The following SIPA1L2 variants were observed in gnomAD, a reference collection of about 807,000 sequenced individuals.
SIPA1L2 encodes the protein signal induced proliferation associated 1 like 2, also known as signal-induced proliferation-associated 1-like protein 2.
A neutral mutation model predicts 163.9 loss-of-function variants in SIPA1L2; 56 were observed. The observed-to-expected ratio is 0.34, with a 90% CI of 0.28 to 0.43. SIPA1L2 has a LOEUF of 0.43. Ranked by LOEUF, SIPA1L2 falls within the 20% of genes least tolerant of loss-of-function variation. SIPA1L2 has a pLI of 1.00. For missense variants in SIPA1L2, 1,974 were observed against 2,193.5 expected (o/e 0.90, Z 2.00); for synonymous variants, 877 against 865.7 (o/e 1.01, Z -0.23).
intron 2 of SIPA1L2, among the ~76,000 whole-genome samples, chr1:232,546,450 A>T (rs1030508482): frequency 3.3e-5 from 5 of 152,198 alleles, no homozygotes; most frequent in African/African-American, 9.7e-5. Flanking sequence ...CTAGTAAAAG[A>T]TTTAACAGGA....
chr1:232,564,815 C>T (rs922957612), intron 2 of SIPA1L2, among the ~76,000 whole-genome samples: 2 of 151,910 alleles, frequency 1.3e-5, no homozygotes, highest in Admixed American at 1.3e-4. Flanking sequence ...AATAAGTGTA[C>T]ACATGTTCTC....
chr1:232,626,697 T>C (rs1663094626), intron 1 of SIPA1L2, among the ~76,000 whole-genome samples: 1 of 152,210 alleles, frequency 6.6e-6, no homozygotes, highest in Non-Finnish European at 1.5e-5. Context: ...ATGACCCTCA[T>C]GCAAAGCATT....
chr1:232,457,642 T>C (rs576660489), intron 10 of SIPA1L2, among the ~76,000 whole-genome samples: 1 of 152,324 alleles, frequency 6.6e-6, no homozygotes, highest in South Asian at 2.1e-4. Flanking sequence ...TGCTATATGG[T>C]TAACAGTACT....
intron 5 of SIPA1L2, among the ~76,000 whole-genome samples, chr1:232,486,361 C>T (rs967293458): frequency 2.0e-5 from 3 of 152,138 alleles, no homozygotes; most frequent in African/African-American, 7.2e-5. Flanking sequence ...AACTTCACAC[C>T]CCTCTCTTCC....
intron 19 of SIPA1L2, among the ~76,000 whole-genome samples, chr1:232,406,278 C>A (rs1252730214): frequency 6.6e-6 from 1 of 152,152 alleles, no homozygotes; most frequent in Non-Finnish European, 1.5e-5. Flanking sequence ...TGTACGTGGT[C>A]ACGGTTGGTA....
chr1:232,424,322 C>CAAAAAAAAA (rs55961523), intron 18 of SIPA1L2, among the ~76,000 whole-genome samples: 13 of 71,774 alleles, frequency 1.8e-4, no homozygotes, highest in Non-Finnish European at 2.4e-4. Flanking sequence ...GTGAAGCTAA[C>CAAAAAAAAA]AAAAAAAAAA....
chr1:232,609,000 G>GAA (rs11374955), intron 1 of SIPA1L2, among the ~76,000 whole-genome samples: 83 of 149,072 alleles, frequency 5.6e-4, no homozygotes, highest in South Asian at 1.7e-3. Context: ...TGTGAAAAAA[G>GAA]AAAAAAAAAA....
chr1:232,417,692 A>AGACCCTCAAGCAGAAAGGTAAAGAAG (rs1558159261), intron 18 of SIPA1L2, among the ~76,000 whole-genome samples: 3 of 151,824 alleles, frequency 2.0e-5, no homozygotes, highest in Non-Finnish European at 2.9e-5. Context: ...AGGTAAAGAA[A>AGACCCTCAAGCAGAAAGGTAAAGAAG]CCCAGGAATC....
intron 2 of SIPA1L2, among the ~76,000 whole-genome samples, chr1:232,545,496 A>G (rs1657977826): frequency 6.6e-6 from 1 of 152,234 alleles, no homozygotes; most frequent in Non-Finnish European, 1.5e-5. Flanking sequence ...AAGAATAAAT[A>G]TGTAATCACA....
chr1:232,484,519 A>C (rs995410994), intron 5 of SIPA1L2, among the ~76,000 whole-genome samples: 2 of 152,256 alleles, frequency 1.3e-5, no homozygotes, highest in Admixed American at 6.5e-5. Flanking sequence ...ACAAACATTA[A>C]AATGTTTTGT....
chr1:232,479,146 CAT>C (rs1665191701), intron 7 of SIPA1L2, among the ~76,000 whole-genome samples: 1 of 152,174 alleles, frequency 6.6e-6, no homozygotes, highest in South Asian at 2.1e-4. Context: ...GTAGTCAAAG[CAT>C]GATGCACTCT....
chr1:232,419,144 G>C (rs984034767), intron 18 of SIPA1L2, among the ~76,000 whole-genome samples: 1 of 152,206 alleles, frequency 6.6e-6, no homozygotes, highest in African/African-American at 2.4e-5. Flanking sequence ...AGACACAAAT[G>C]ATGAGAAGCT....
In SIPA1L2 at chr1:232,398,887, G is replaced by C; in HGVS notation, c.*240C>G. On this transcript the variant is annotated 3_prime_UTR_variant, in exon 23 of 23. Coordinates refer to ENST00000674635, the MANE Select transcript of SIPA1L2 (RefSeq NM_020808.5). The stretch of plus-strand genomic sequence containing the variant: ...GAAAAAGGTCTCAACTGTCGCCAGG[G>C]TTTACATTCATCTTCACACCAGGAG... The C allele has an allele frequency of 4.0e-6, 2 of 503,132 alleles. No homozygotes were observed. Among genetic ancestry groups the C allele is most frequent in the Non-Finnish European group, 7.0e-6 (2 of 284,406 alleles). The allele number at this position is 503,132 out of a possible 1,614,324, so 31.2% of individuals were successfully genotyped here.
intron 3 of SIPA1L2, among the ~76,000 whole-genome samples, chr1:232,500,525 A>G (rs1666415174): frequency 6.6e-6 from 1 of 152,214 alleles, no homozygotes; most frequent in Admixed American, 6.5e-5. Context: ...GAGGGATTCA[A>G]GAGTTCACTG....
intron 2 of SIPA1L2, among the ~76,000 whole-genome samples, chr1:232,535,047 T>A (rs1657218294): frequency 1.3e-5 from 2 of 152,218 alleles, no homozygotes; most frequent in Non-Finnish European, 2.9e-5. Context: ...TTACTTCCAC[T>A]GACAACATCA....
At chr1:232,459,710 G>A (rs576337120) in intron 10 of SIPA1L2, among the ~76,000 whole-genome samples, 1 of 151,836 alleles carries the variant, frequency 6.6e-6, no homozygotes, top group Non-Finnish European at 1.5e-5. Flanking sequence ...ATGGGGTTTT[G>A]CCATGTTGTC....
At chr1:232,496,418 A>AT (rs1384270031) in intron 3 of SIPA1L2, among the ~76,000 whole-genome samples, 1 of 152,188 alleles carries the variant, frequency 6.6e-6, no homozygotes, top group Non-Finnish European at 1.5e-5. Context: ...TTCTCAGAAC[A>AT]TATCTCTGTT....
At position 232,428,611 on chromosome 1, in the gene SIPA1L2, C is replaced by T. The variant is rs775426563; in HGVS notation, c.4257-47G>A. 7.7e-5 allele frequency: 107 copies of T among 1,398,346 alleles called. 2 individuals are homozygous for T. The South Asian group carries it at 1.9e-3, about 25-fold the overall frequency. The allele number at this position is 1,398,346 out of a possible 1,614,324, so 86.6% of individuals were successfully genotyped here. On this transcript the variant is annotated intron_variant, in intron 16 of 22. Coordinates refer to ENST00000674635, the MANE Select transcript of SIPA1L2 (RefSeq NM_020808.5). ...GAAATTAAGCCTATTTGTAAAGTGC[C>T]TGTAGTGGTAAGAATTAAAACCTAG...
chr1:232,539,772 C>T (rs192725500), intron 2 of SIPA1L2, among the ~76,000 whole-genome samples: 19 of 152,292 alleles, frequency 1.2e-4, no homozygotes, highest in African/African-American at 4.3e-4. Context: ...ACGAGTCTGA[C>T]GACAGCCCTC....
Sources: allele counts gnomAD v4.1 joint callset (sites outside exome capture counted in the v4.1 genomes callset), GRCh38; gene constraint gnomAD v4.1.1; transcripts MANE v1.5; gene names NCBI Gene and HGNC (gene_info 2026-07-23, HGNC 2026-07-21).